The following N4BP3 variants were observed in gnomAD, a reference collection of about 807,000 sequenced individuals.
N4BP3 encodes the protein NEDD4 binding protein 3, also known as NEDD4-binding protein 3.
In N4BP3, 33 loss-of-function variants were observed where a neutral mutation model predicts 43.8. The ratio of observed to expected loss-of-function variants is 0.75; its 90% CI spans 0.57 to 1.01. N4BP3 has a LOEUF of 1.01. Ranked by LOEUF, N4BP3 falls within the 50% of genes least tolerant of loss-of-function variation. The pLI is 0.00. For missense variants in N4BP3, 756 were observed against 744.2 expected (o/e 1.02, Z -0.18); for synonymous variants, 326 against 321.9 (o/e 1.01, Z -0.14).
In N4BP3 at chr5:178,121,718, G is replaced by A. The variant is rs777388090; in HGVS notation, c.1352G>A (p.Gly451Asp). 5.6e-6 allele frequency: 9 copies of A among 1,608,898 alleles called. No homozygotes were observed. The African/African-American group carries it at 6.7e-5, about 12-fold the overall frequency. ...GAGACTGATGACTGCAAGAGCAGGG[G>A]CCTGCTAGGGGAGGCAGGAGGCAGC... ...SCETDDCKSRGLLGEAGGSEA... is the reference protein window; with the variant it reads ...SCETDDCKSRDLLGEAGGSEA... The change falls in exon 5 of 5, where the codon GGC (glycine) becomes GAC (aspartate). Residue 451 changes from glycine (G) to aspartate (D), a missense_variant. Gly to Asp is a moderately conservative substitution (Grantham distance 94, BLOSUM62 -1). Coordinates refer to ENST00000274605, the MANE Select transcript of N4BP3 (RefSeq NM_015111.2).
Position 178,122,132 on chromosome 5 carries a change from G to T in N4BP3, c.*131G>T. On this transcript the variant is annotated 3_prime_UTR_variant, in exon 5 of 5. Coordinates refer to ENST00000274605, the MANE Select transcript of N4BP3 (RefSeq NM_015111.2). The stretch of plus-strand genomic sequence containing the variant: ...CCGGGGCTGGGGAGGCGCAAGGAGA[G>T]GAGGGATCCAGTGGGGCCGTGGGCT... 1 of 1,218,212 alleles carries T rather than the reference G, an allele frequency of 8.2e-7. No homozygotes were observed. The highest frequency in any genetic ancestry group is 1.1e-6 in the Non-Finnish European group (1 of 902,506). The allele number at this position is 1,218,212 out of a possible 1,614,324, so 75.5% of individuals were successfully genotyped here. A position where few individuals can be genotyped will look rare whatever the true frequency, so the allele number is the denominator to read the frequency against.
At chr5:178,121,440 A>G (rs1757920915) in intron 4 of N4BP3, 34 bp from the exon 5 acceptor site, 2 of 1,613,228 alleles carry the variant, frequency 1.2e-6, no homozygotes, top group Non-Finnish European at 1.7e-6. Flanking sequence ...GGCTCCCCAC[A>G]CCCTACTTTG....
rs1216679671 is a variant in N4BP3 at position 178,113,565 on chromosome 5, C to G, written c.-237C>G. The G allele has an allele frequency of 6.6e-6, 1 of 151,544 alleles. No individual in the cohort carries two copies. Among genetic ancestry groups the G allele is most frequent in the Non-Finnish European group, 1.5e-5 (1 of 67,844 alleles). The allele number at this position is 151,544 out of a possible 1,614,324, so 9.4% of individuals were successfully genotyped here. ...TCCGCCTTTGGGGCAGGCGATCGAG[C>G]GCCGCGGAGCGCGTCCCTCCCTCGC... On this transcript the variant is annotated 5_prime_UTR_variant, in exon 1 of 5. Transcript: ENST00000274605.
chr5:178,119,951 G>A, intron 2 of N4BP3, 38 bp downstream of exon 2: 2 of 1,550,402 alleles, frequency 1.3e-6, no homozygotes, highest in Non-Finnish European at 1.7e-6. Context: ...GGTGTGGGGA[G>A]GGTGGGGTCT....
rs151112840 is a variant in N4BP3 at position 178,113,919 on chromosome 5, G to A, written c.-31+148G>A. 1,091 of 152,650 alleles carry A rather than the reference G, an allele frequency of 7.1e-3. 7 individuals are homozygous for A. The highest frequency in any genetic ancestry group is 0.02 in the Middle Eastern group (6 of 294). The allele number at this position is 152,650 out of a possible 1,614,324, so 9.5% of individuals were successfully genotyped here. A position where few individuals can be genotyped will look rare whatever the true frequency, so the allele number is the denominator to read the frequency against. On this transcript the variant is annotated intron_variant, in intron 1 of 4. Transcript: ENST00000274605. ...GGCTCCCGTCTGAGAGATGGGCGGG[G>A]GTGGCAAGGTGCGGCGTGCGCCCAG...
rs1297573819 is a variant in N4BP3 at position 178,125,563 on chromosome 5, T to A, written c.*3562T>A. The A allele has an allele frequency of 6.6e-6, 1 of 152,230 alleles. No individual in the cohort carries two copies. The highest frequency in any genetic ancestry group is 1.5e-5 in the Non-Finnish European group (1 of 68,046). 9.4% of individuals were successfully genotyped at this position (152,230 alleles called of 1,614,324 possible). On this transcript the variant is annotated 3_prime_UTR_variant, in exon 5 of 5. Transcript: ENST00000274605. Reference sequence around the variant, plus strand: ...CCCATCCCCCTTGGCAGGTGGGGGCTTAGGCATCCATATTGGATTCAGAAA... The same window carrying A: ...CCCATCCCCCTTGGCAGGTGGGGGCATAGGCATCCATATTGGATTCAGAAA...
chr5:178,121,601 C>A lies in N4BP3; in HGVS notation c.1235C>A (p.Ala412Asp), dbSNP rs761215813. The change falls in exon 5 of 5, where the codon GCC (alanine) becomes GAC (aspartate). Residue 412 changes from alanine to aspartate, a missense_variant. Physicochemically the swap from Ala to Asp is moderately radical, Grantham distance 126. Coordinates refer to ENST00000274605, the MANE Select transcript of N4BP3 (RefSeq NM_015111.2). ...KTQLRGSRAQAQAQDAELVRL... is the reference protein window; with the variant it reads ...KTQLRGSRAQDQAQDAELVRL... ...CAACTTCGGGGCAGCCGGGCACAAGCCCAGGCTCAGGACGCAGAGCTGGTC... is the reference window on the plus strand; with the variant it reads ...CAACTTCGGGGCAGCCGGGCACAAGACCAGGCTCAGGACGCAGAGCTGGTC... 5 of 1,613,286 alleles carry A rather than the reference C, an allele frequency of 3.1e-6. No individual in the cohort carries two copies. The highest frequency in any genetic ancestry group is 4.2e-6 in the Non-Finnish European group (5 of 1,179,958).
rs1758054594 is a variant in N4BP3 at position 178,125,940 on chromosome 5, T to C, written c.*3939T>C. On this transcript the variant is annotated 3_prime_UTR_variant, in exon 5 of 5. Coordinates refer to ENST00000274605, the MANE Select transcript of N4BP3 (RefSeq NM_015111.2). ...GGTATTTAATTCCTTTGCTCTAATATGTAATATTAGAACATATTACAAAGT... is the reference window on the plus strand; with the variant it reads ...GGTATTTAATTCCTTTGCTCTAATACGTAATATTAGAACATATTACAAAGT... 1 of 152,016 alleles carries C rather than the reference T, an allele frequency of 6.6e-6. No homozygotes were observed. The allele number at this position is 152,016 out of a possible 1,614,324, so 9.4% of individuals were successfully genotyped here. A position where few individuals can be genotyped will look rare whatever the true frequency, so the allele number is the denominator to read the frequency against.
At position 178,121,145 on chromosome 5, in the gene N4BP3, G is replaced by A. The variant is rs1027664434; in HGVS notation, c.900G>A (p.Leu300=). 10 of 1,600,024 alleles carry A rather than the reference G, an allele frequency of 6.2e-6. No homozygotes were observed. Among genetic ancestry groups the A allele is most frequent in the East Asian group, 2.2e-5 (1 of 44,800 alleles). ...TGTGGCTGGCTGAGCTGAAGCGCCT[G>A]TATGTGGAGCGGCTGCACGAGGTGA... ...QRLWLAELKR[L]YVERLHEVTQ... The change falls in exon 4 of 5, where the codon CTG becomes CTA. Residue 300 remains leucine, a synonymous_variant. Transcript: ENST00000274605.
chr5:178,119,757 C>G lies in N4BP3; in HGVS notation c.174C>G (p.Tyr58Ter). The stretch of plus-strand genomic sequence containing the variant: ...TGGGCCAGCGTGAGTTCCTCAGCTA[C>G]CTGCACCTCCCCAAGAAGGACAGCA... ...KGLGQREFLSYLHLPKKDSKS... is the reference protein window; with the variant it reads ...KGLGQREFLS The change falls in exon 2 of 5, where the codon TAC (tyrosine) becomes TAG (stop). Residue 58 changes from tyrosine (Y) to a stop codon, truncating the protein, a stop_gained. Coordinates refer to ENST00000274605, the MANE Select transcript of N4BP3 (RefSeq NM_015111.2). LOFTEE classifies it high-confidence loss of function. 6.2e-7 allele frequency: 1 copy of G among 1,613,630 alleles called. No homozygotes were observed. Among genetic ancestry groups the G allele is most frequent in the Non-Finnish European group, 8.5e-7 (1 of 1,180,006 alleles).
chr5:178,121,318 C>G lies in N4BP3; in HGVS notation c.1073C>G (p.Pro358Arg). ...CCCGGCACCCTCCCAGAGGCTGACC[C>G]CAGTGCACGACCAGAGGAGGAAGCC... Reference protein sequence around the residue: ...RAPGTLPEADPSARPEEEARW... With the variant: ...RAPGTLPEADRSARPEEEARW... Residue 358 changes from proline (P) to arginine (R), a missense_variant, in exon 4 of 5, where the codon CCC becomes CGC. Physicochemically the swap from Pro to Arg is moderately radical, Grantham distance 103. Coordinates refer to ENST00000274605, the MANE Select transcript of N4BP3 (RefSeq NM_015111.2). 1 of 1,604,088 alleles carries G rather than the reference C, an allele frequency of 6.2e-7. No individual in the cohort carries two copies. Among genetic ancestry groups the G allele is most frequent in the Non-Finnish European group, 8.5e-7 (1 of 1,174,104 alleles).
Position 178,124,412 on chromosome 5 carries a change from G to A in N4BP3, c.*2411G>A, listed in dbSNP as rs1037960650. 5 of 152,466 alleles carry A rather than the reference G, an allele frequency of 3.3e-5. No homozygotes were observed. The highest frequency in any genetic ancestry group is 9.7e-5 in the African/African-American group (4 of 41,438). The allele number at this position is 152,466 out of a possible 1,614,324, so 9.4% of individuals were successfully genotyped here. On this transcript the variant is annotated 3_prime_UTR_variant, in exon 5 of 5. Transcript: ENST00000274605. ...AAACCAGTTCCTGGGTCCCCCAGCC[G>A]GCTGGGTGGCTCTGGGGCCAACCGA...
rs1757944371 is a variant in N4BP3, at chr5:178,122,032, C to A, written c.*31C>A. The A allele has an allele frequency of 1.3e-6, 2 of 1,555,304 alleles. No individual in the cohort carries two copies. The highest frequency in any genetic ancestry group is 1.7e-6 in the Non-Finnish European group (2 of 1,152,478). ...GCAGAGCGAGCTGACAGCAGCAACA[C>A]TGTCAGAAGGTGCCCTGAGACGGCC... On this transcript the variant is annotated 3_prime_UTR_variant, in exon 5 of 5. Transcript: ENST00000274605.
intron 1 of N4BP3, among the ~76,000 whole-genome samples, chr5:178,115,236 C>A (rs1757745595): frequency 6.6e-6 from 1 of 152,246 alleles, no homozygotes; most frequent in African/African-American, 2.4e-5. Context: ...TACTAAGCAC[C>A]ACTTCCGCAG....
intron 1 of N4BP3, 47 bp downstream of exon 1, chr5:178,113,818 G>A (rs1581086326): frequency 6.6e-6 from 1 of 151,976 alleles, no homozygotes; most frequent in Non-Finnish European, 1.5e-5. Context: ...GGACTCGGGG[G>A]GTGGGGAGGG....
At chr5:178,119,272 C>T (rs566907846) in intron 1 of N4BP3, among the ~76,000 whole-genome samples, 2 of 152,224 alleles carry the variant, frequency 1.3e-5, no homozygotes, top group Non-Finnish European at 1.5e-5. Flanking sequence ...ACACAGGCCC[C>T]GAGGTGGAGC....
Position 178,122,144 on chromosome 5 carries a change from T to TGGG in N4BP3, c.*145_*147dup. ...AGGCGCAAGGAGAGGAGGGATCCAG[T>TGGG]GGGGCCGTGGGCTGGGTAGGGTGCC... On this transcript the variant is annotated 3_prime_UTR_variant, in exon 5 of 5. Coordinates refer to ENST00000274605, the MANE Select transcript of N4BP3 (RefSeq NM_015111.2). The TGGG allele has an allele frequency of 9.4e-7, 1 of 1,065,548 alleles. No individual in the cohort carries two copies. Among genetic ancestry groups the TGGG allele is most frequent in the Non-Finnish European group, 1.3e-6 (1 of 765,998 alleles). 66.0% of individuals were successfully genotyped at this position (1,065,548 alleles called of 1,614,324 possible). A position where few individuals can be genotyped will look rare whatever the true frequency, so the allele number is the denominator to read the frequency against.
chr5:178,117,759 C>T (rs761986574), intron 1 of N4BP3, among the ~76,000 whole-genome samples: 2 of 139,614 alleles, frequency 1.4e-5, no homozygotes, highest in Non-Finnish European at 3.1e-5. Context: ...CTGCAACGTG[C>T]GTTCTCAGGG....
At position 178,121,905 on chromosome 5, in the gene N4BP3, C is replaced by T. The variant is rs1475188207; in HGVS notation, c.1539C>T (p.Asp513=). 2.5e-6 allele frequency: 4 copies of T among 1,611,648 alleles called. No homozygotes were observed. In the South Asian group the frequency reaches 3.3e-5, roughly 13 times the overall value. The change falls in exon 5 of 5, where the codon GAC becomes GAT. Residue 513 remains aspartate, a synonymous_variant. Transcript: ENST00000274605. The stretch of plus-strand genomic sequence containing the variant: ...GGGAGATCCAGGGAGGGTACATGGA[C>T]ATGTACCGCCGCAACCAGGCACTGG... ...YQREIQGGYM[D]MYRRNQALEQ...
Sources: allele counts gnomAD v4.1 joint callset (sites outside exome capture counted in the v4.1 genomes callset), GRCh38; gene constraint gnomAD v4.1.1; transcripts MANE v1.5; gene names NCBI Gene and HGNC (gene_info 2026-07-23, HGNC 2026-07-21).